NLRC5: variants seen among roughly 807,000 people sequenced by gnomAD.
NLRC5 encodes NLR family CARD domain containing 5, also known as protein NLRC5.
In NLRC5, 114 loss-of-function variants were observed where a neutral mutation model predicts 206.9. That is an observed-to-expected ratio of 0.55 (90% confidence interval 0.47 to 0.64). The LOEUF is 0.64. NLRC5 is among the 30% of genes least tolerant of loss of function. The pLI, the probability that NLRC5 is intolerant of heterozygous loss-of-function variation, is 0.00. For synonymous variants in NLRC5, 952 were observed against 962.8 expected (o/e 0.99, Z 0.21); for missense variants, 2,008 against 2,305.5 (o/e 0.87, Z 2.64).
intron 36 of NLRC5, 86 bp downstream of exon 36, chr16:57,067,914 G>GTAA: frequency 9.3e-7 from 1 of 1,072,946 alleles, no homozygotes; most frequent in Non-Finnish European, 1.4e-6. Context: ...TGGGCTCAGA[G>GTAA]GACTCTTACT....
intron 47 of NLRC5, 95 bp from the exon 48 acceptor site, chr16:57,081,432 C>T (rs745580119): frequency 1.4e-5 from 17 of 1,206,416 alleles, no homozygotes; most frequent in Non-Finnish European, 2.1e-5. Context: ...GACTGTGTCC[C>T]CTGACCTTGG....
At chr16:57,058,637 C>G in intron 28 of NLRC5, 1 of 372,098 alleles carries the variant, frequency 2.7e-6, no homozygotes, top group South Asian at 3.3e-5. Context: ...TCCAGGACAC[C>G]ACTTGTTGCT....
At chr16:57,024,407 C>G (rs911357502) in intron 5 of NLRC5, among the ~76,000 whole-genome samples, 12 of 152,218 alleles carry the variant, frequency 7.9e-5, no homozygotes, top group African/African-American at 2.7e-4. Flanking sequence ...TCTCTGCCCC[C>G]ACTGCTGCCA....
At chr16:56,997,533 C>T (rs2057755785) in intron 1 of NLRC5, among the ~76,000 whole-genome samples, 1 of 152,026 alleles carries the variant, frequency 6.6e-6, no homozygotes, top group Non-Finnish European at 1.5e-5. Context: ...GGATTTAAAC[C>T]CAGCCCTCCT....
In NLRC5 at chr16:57,059,523, A is replaced by C. The variant is rs1307389100; in HGVS notation, c.3977A>C (p.Lys1326Thr). ...IHFSREDQAG[K>T]TLRLSECSFR... ...TTCTCCAGAGAGGACCAGGCTGGGA[A>C]GACACTCAGGTAATCCCTGCAGGGT... is the stretch of plus-strand genomic sequence containing the variant. Residue 1326 changes from lysine (K) to threonine (T), a missense_variant, in exon 30 of 49, where the codon AAG becomes ACG. Lys to Thr is a moderately conservative substitution (Grantham distance 78, BLOSUM62 -1). Transcript: ENST00000688547. 6.2e-7 allele frequency: 1 copy of C among 1,611,676 alleles called. No homozygotes were observed. The highest frequency in any genetic ancestry group is 8.5e-7 in the Non-Finnish European group (1 of 1,178,798).
chr16:57,028,468 C>A, intron 8 of NLRC5, 83 bp downstream of exon 8: 1 of 1,076,736 alleles, frequency 9.3e-7, no homozygotes, highest in Non-Finnish European at 1.4e-6. Flanking sequence ...CCTGCATGTT[C>A]CTCCAAGTCT....
chr16:57,046,221 G>A (rs1379705118), intron 21 of NLRC5, among the ~76,000 whole-genome samples: 4 of 152,236 alleles, frequency 2.6e-5, no homozygotes, highest in Admixed American at 2.6e-4. Flanking sequence ...GGAGGCAGAA[G>A]TCATGTGATG....
chr16:57,043,856 C>T, intron 20 of NLRC5: 2 of 549,498 alleles, frequency 3.6e-6, no homozygotes, highest in South Asian at 4.4e-5. Context: ...GACTCTGCCT[C>T]ACTCGTTCTT....
In NLRC5 at chr16:57,054,843, G is replaced by A. The variant is rs763499149; in HGVS notation, c.3596+3G>A. 2 of 1,613,874 alleles carry A rather than the reference G, an allele frequency of 1.2e-6. No individual in the cohort carries two copies. The highest frequency in any genetic ancestry group is 1.3e-5 in the African/African-American group (1 of 74,944). ...CGGGTTAAAAAGGTGGATCTCAGGT[G>A]GGCATTCCCCTGGGACAGCCAGGAC... is the stretch of plus-strand genomic sequence containing the variant. On this transcript the variant is annotated splice_donor_region_variant and intron_variant, in intron 25 of 48. Transcript: ENST00000688547.
At chr16:57,055,133 G>A in intron 26 of NLRC5, 39 bp downstream of exon 26, 1 of 1,609,308 alleles carries the variant, frequency 6.2e-7, no homozygotes, top group Non-Finnish European at 8.5e-7. Context: ...GCTAGTTGAT[G>A]TTGGGGACCA....
intron 30 of NLRC5, among the ~76,000 whole-genome samples, 164 bp downstream of exon 30, chr16:57,059,696 G>C (rs2066168176): frequency 6.6e-6 from 1 of 152,160 alleles, no homozygotes; most frequent in African/African-American, 2.4e-5. Context: ...CGATGCCCTG[G>C]TAACTCCAGT....
chr16:57,074,385 C>T (rs1374555501), intron 38 of NLRC5: 3 of 524,626 alleles, frequency 5.7e-6, no homozygotes, highest in African/African-American at 1.9e-5. Context: ...TGGTTCAGAA[C>T]ATAGAACTGC....
chr16:57,061,904 A>G (rs539966053), intron 32 of NLRC5: 1 of 1,531,280 alleles, frequency 6.5e-7, no homozygotes, highest in Admixed American at 2.0e-5. Flanking sequence ...CCCACACTGG[A>G]GGCCTGTGCT....
intron 21 of NLRC5, 29 bp from the exon 22 acceptor site, chr16:57,046,523 C>G (rs768921088): frequency 6.3e-7 from 1 of 1,598,226 alleles, no homozygotes; most frequent in Non-Finnish European, 8.6e-7. Context: ...GTGATCTGAA[C>G]TTTCCTTTCT....
chr16:57,079,494 T>C (rs1230112729), intron 45 of NLRC5, 52 bp from the exon 46 acceptor site: 5 of 1,518,918 alleles, frequency 3.3e-6, no homozygotes, highest in African/African-American at 1.4e-5. Context: ...ACCTGCTAGA[T>C]CCCCTGACTC....
Position 57,054,790 on chromosome 16 carries a change from G to T in NLRC5, c.3546G>T (p.Leu1182=). The T allele has an allele frequency of 6.2e-7, 1 of 1,614,088 alleles. No homozygotes were observed. Among genetic ancestry groups the T allele is most frequent in the Non-Finnish European group, 8.5e-7 (1 of 1,180,022 alleles). The part of the protein sequence containing the change: ...QTGLSPKSPF[L]LANTLSLCPR... ...GACTGTCCCCGAAAAGCCCCTTCCT[G>T]CTGGCCAACACCTTAAGCCTGTGTC... Residue 1182 remains leucine (L), a synonymous_variant, in exon 25 of 49, where the codon CTG becomes CTT. Coordinates refer to ENST00000688547, the MANE Select transcript of NLRC5 (RefSeq NM_001384950.1).
chr16:57,074,817 C>A, intron 39 of NLRC5, 134 bp downstream of exon 39: 1 of 815,470 alleles, frequency 1.2e-6, no homozygotes, highest in Non-Finnish European at 2.0e-6. Context: ...CATCCCTGTG[C>A]CCTCCCAGGT....
chr16:57,036,231 C>T, intron 14 of NLRC5, 48 bp downstream of exon 14: 2 of 1,556,710 alleles, frequency 1.3e-6, no homozygotes, highest in Non-Finnish European at 1.8e-6. Flanking sequence ...CCCTGTAGAG[C>T]CCCAGGAGGT....
At position 57,022,305 on chromosome 16, in the gene NLRC5, G is replaced by T; in HGVS notation, c.345G>T (p.Gln115His). 6.2e-7 allele frequency: 1 copy of T among 1,611,768 alleles called. No homozygotes were observed. The change falls in exon 4 of 49, where the codon CAG becomes CAT. Residue 115 changes from glutamine (Q) to histidine (H), a missense_variant. Physicochemically the swap from Gln to His is conservative, Grantham distance 24. Coordinates refer to ENST00000688547, the MANE Select transcript of NLRC5 (RefSeq NM_001384950.1). ...GAEGKSQPES[Q>H]LHHGLKRPHQ... ...AGGGGAAAAGCCAACCTGAATCTCA[G>T]CTCCACCATGGTGAGGACTGGAGTT...
Sources: allele counts gnomAD v4.1 joint callset (sites outside exome capture counted in the v4.1 genomes callset), GRCh38; gene constraint gnomAD v4.1.1; transcripts MANE v1.5; gene names NCBI Gene and HGNC (gene_info 2026-07-23, HGNC 2026-07-21).